The following CTNNA3 variants were observed in gnomAD, a reference collection of about 807,000 sequenced individuals.
CTNNA3 encodes the protein catenin alpha 3, also known as catenin alpha-3.
In CTNNA3, 76 loss-of-function variants were observed where a neutral mutation model predicts 95.7. The ratio of observed to expected loss-of-function variants is 0.79; its 90% CI spans 0.66 to 0.96. The LOEUF is 0.96. Among genes scored for constraint, CTNNA3 ranks in the 40% least tolerant of loss-of-function variants. CTNNA3 has a pLI of 0.00. For synonymous variants in CTNNA3, 431 were observed against 374.4 expected (o/e 1.15, Z -1.74); for missense variants, 1,191 against 1,089.8 (o/e 1.09, Z -1.31).
chr10:66,720,384 T>A (rs1848588942), intron 9 of CTNNA3, among the ~76,000 whole-genome samples: 1 of 152,144 alleles, frequency 6.6e-6, no homozygotes, highest in Non-Finnish European at 1.5e-5. Flanking sequence ...AAAGATAAGG[T>A]CAACTCATCC....
rs138229147 is a variant in CTNNA3, at chr10:66,989,042, G to A, written c.1047+191275C>T. ...TTTCTACCTCTCTTTTATCAGTCTC[G>A]TTACCTCTCATAGCAAGAAAAAGTG... On this transcript the variant is annotated intron_variant, in intron 7 of 17. Coordinates refer to ENST00000433211, the MANE Select transcript of CTNNA3 (RefSeq NM_013266.4). 3.5e-3 allele frequency among the ~76,000 whole-genome samples: 528 copies of A among 150,616 alleles called. 4 individuals are homozygous for A. Among genetic ancestry groups the A allele is most frequent in the African/African-American group, 0.012 (500 of 41,034 alleles).
At chr10:66,941,354 T>C (rs1847983991) in intron 7 of CTNNA3, among the ~76,000 whole-genome samples, 1 of 152,246 alleles carries the variant, frequency 6.6e-6, no homozygotes, top group Non-Finnish European at 1.5e-5. Flanking sequence ...AAAAGACTTA[T>C]TATCAAGATT....
intron 5 of CTNNA3, among the ~76,000 whole-genome samples, chr10:67,425,798 T>G (rs113384821): frequency 1.3e-5 from 2 of 151,998 alleles, no homozygotes; most frequent in African/African-American, 4.8e-5. Flanking sequence ...AGAAGGGGGA[T>G]GGAGAGAGGT....
intron 7 of CTNNA3, among the ~76,000 whole-genome samples, chr10:66,892,984 G>A (rs1341418703): frequency 1.3e-5 from 2 of 152,096 alleles, no homozygotes; most frequent in Admixed American, 1.3e-4. Context: ...CTCTGCTCAT[G>A]TTTTTCTCTT....
chr10:66,448,041 G>T (rs1488825419), intron 11 of CTNNA3, among the ~76,000 whole-genome samples: 2 of 152,114 alleles, frequency 1.3e-5, no homozygotes, highest in African/African-American at 2.4e-5. Context: ...CTTCTCAAAA[G>T]AAGACATTTA....
At chr10:67,263,989 TTGTG>T (rs1866717867) in intron 5 of CTNNA3, among the ~76,000 whole-genome samples, 1 of 152,200 alleles carries the variant, frequency 6.6e-6, no homozygotes, top group Admixed American at 6.5e-5. Context: ...TTTTTTACTG[TTGTG>T]TGTGTATCTG....
chr10:66,392,061 C>A (rs916129508), intron 11 of CTNNA3, among the ~76,000 whole-genome samples: 1 of 128,710 alleles, frequency 7.8e-6, no homozygotes, highest in African/African-American at 3.7e-5. Flanking sequence ...ACATAATTAA[C>A]AATTTTTTTA....
At chr10:66,762,663 G>A (rs1476923103) in intron 9 of CTNNA3, among the ~76,000 whole-genome samples, 3 of 151,590 alleles carry the variant, frequency 2.0e-5, no homozygotes, top group African/African-American at 7.3e-5. Context: ...CCTCATTCCC[G>A]TTTGTTTTTT....
At chr10:66,886,252 G>A (rs567454428) in intron 7 of CTNNA3, among the ~76,000 whole-genome samples, 1 of 152,196 alleles carries the variant, frequency 6.6e-6, no homozygotes, top group Admixed American at 6.6e-5. Flanking sequence ...CCACTTATAA[G>A]CTCAACAGAC....
intron 7 of CTNNA3, among the ~76,000 whole-genome samples, chr10:66,887,588 T>TAG (rs1171267989): frequency 6.6e-6 from 1 of 152,166 alleles, no homozygotes. Flanking sequence ...ACCCGAGAAC[T>TAG]AGAGACCAAC....
chr10:66,872,537 C>A (rs1318244661), intron 7 of CTNNA3, among the ~76,000 whole-genome samples: 1 of 151,780 alleles, frequency 6.6e-6, no homozygotes, highest in African/African-American at 2.4e-5. Flanking sequence ...GGCATGGTGG[C>A]GGGTGCCTGT....
At chr10:66,332,290 G>A (rs975628200) in intron 12 of CTNNA3, among the ~76,000 whole-genome samples, 4 of 151,926 alleles carry the variant, frequency 2.6e-5, no homozygotes, top group Non-Finnish European at 5.9e-5. Flanking sequence ...ATGTTGAATA[G>A]GAGTGGTGAG....
At chr10:67,281,510 G>A (rs1368236964) in intron 5 of CTNNA3, among the ~76,000 whole-genome samples, 1 of 152,106 alleles carries the variant, frequency 6.6e-6, no homozygotes, top group African/African-American at 2.4e-5. Flanking sequence ...AAAATGCACA[G>A]CACTGCTTCT....
At chr10:67,691,450 C>A (rs1368143157) in intron 1 of CTNNA3, among the ~76,000 whole-genome samples, 2 of 151,422 alleles carry the variant, frequency 1.3e-5, no homozygotes, top group African/African-American at 4.9e-5. Flanking sequence ...AAGTGAGGAG[C>A]GCCTCTTCCC....
At chr10:66,178,439 AT>A (rs2085853056) in intron 13 of CTNNA3, among the ~76,000 whole-genome samples, 1 of 113,426 alleles carries the variant, frequency 8.8e-6, no homozygotes, top group Non-Finnish European at 1.9e-5. Flanking sequence ...ATATATATAT[AT>A]ATACACACAC....
chr10:66,736,501 C>G, intron 9 of CTNNA3, among the ~76,000 whole-genome samples: 1 of 151,888 alleles, frequency 6.6e-6, no homozygotes, highest in East Asian at 1.9e-4. Context: ...GCAACTAATA[C>G]AATTTTACAT....
intron 7 of CTNNA3, chr10:67,012,892 G>C (rs1300031978): frequency 6.6e-6 from 1 of 151,922 alleles, no homozygotes. Context: ...TGAACATAAA[G>C]CAATCATTAA....
intron 13 of CTNNA3, among the ~76,000 whole-genome samples, chr10:66,164,249 A>C (rs1225360808): frequency 1.3e-5 from 2 of 152,194 alleles, no homozygotes; most frequent in African/African-American, 4.8e-5. Flanking sequence ...AATATGATGT[A>C]TATAGTAAAT....
chr10:67,668,208 TA>T (rs907295720), intron 1 of CTNNA3, among the ~76,000 whole-genome samples: 1 of 151,202 alleles, frequency 6.6e-6, no homozygotes, highest in African/African-American at 2.5e-5. Flanking sequence ...GGATAACGCT[TA>T]GGGGTAGGGA....
Sources: gnomAD v4.1 joint callset for allele counts (sites outside exome capture counted in the v4.1 genomes callset) on GRCh38, gnomAD v4.1.1 for gene constraint, MANE v1.5 for transcripts, NCBI Gene and HGNC (gene_info 2026-07-23, HGNC 2026-07-21) for gene names.